The following KCNH8 variants were observed in gnomAD, a reference collection of about 807,000 sequenced individuals.
The protein encoded by KCNH8 is potassium voltage-gated channel subfamily H member 8.
A neutral mutation model predicts 103.6 loss-of-function variants in KCNH8; 70 were observed. The observed-to-expected ratio is 0.68, with a 90% CI of 0.56 to 0.82. The LOEUF (loss-of-function observed/expected upper bound fraction) is 0.82, where lower values mean the gene tolerates loss of function less well. Among genes scored for constraint, KCNH8 ranks in the 40% least tolerant of loss-of-function variants. KCNH8 has a pLI of 0.00. For missense variants in KCNH8, 1,217 were observed against 1,329.9 expected, an observed-to-expected ratio of 0.92 and a Z score of 1.32; for synonymous variants, 498 against 489.4, an observed-to-expected ratio of 1.02 and a Z score of -0.23.
At chr3:19,153,943 C>T (rs539822674) in intron 1 of KCNH8, among the ~76,000 whole-genome samples, 11 of 152,126 alleles carry the variant, frequency 7.2e-5, no homozygotes, top group Admixed American at 7.2e-4. Context: ...AATCATTTTT[C>T]TAATAATATT....
rs558584305 is a variant in KCNH8, at chr3:19,347,850, G to A, written c.696G>A (p.Thr232=). 2.7e-5 allele frequency: 43 copies of A among 1,613,374 alleles called. No homozygotes were observed. The highest frequency in any genetic ancestry group is 1.6e-4 in the South Asian group (15 of 91,062). The change falls in exon 5 of 16, where the codon ACG becomes ACA. Residue 232 remains threonine, a synonymous_variant. Coordinates refer to ENST00000328405, the MANE Select transcript of KCNH8 (RefSeq NM_144633.3). ...AGWDWLILLA[T]FYVAVTVPYN... ...GGGACTGGCTTATTTTGTTGGCAAC[G>A]TTTTATGTTGCTGTGACTGTACCTT...
chr3:19,384,049 A>G (rs933025027), intron 5 of KCNH8, among the ~76,000 whole-genome samples: 3 of 152,228 alleles, frequency 2.0e-5, no homozygotes, highest in African/African-American at 7.2e-5. Context: ...ACACATGCCA[A>G]TGGACATGTT....
At chr3:19,408,089 G>A (rs1450302052) in intron 7 of KCNH8, among the ~76,000 whole-genome samples, 1 of 152,118 alleles carries the variant, frequency 6.6e-6, no homozygotes, top group Non-Finnish European at 1.5e-5. Flanking sequence ...GCAACAGGGA[G>A]CTTCTGCCAG....
chr3:19,323,330 TCC>T (rs748936069), intron 3 of KCNH8, among the ~76,000 whole-genome samples: 3 of 152,004 alleles, frequency 2.0e-5, no homozygotes, highest in Non-Finnish European at 4.4e-5. Flanking sequence ...GCACCTGTAG[TCC>T]CAGCTACTCA....
At chr3:19,498,194 T>C (rs2068486811) in intron 11 of KCNH8, among the ~76,000 whole-genome samples, 1 of 152,238 alleles carries the variant, frequency 6.6e-6, no homozygotes, top group Non-Finnish European at 1.5e-5. Flanking sequence ...TTTCTCCGTG[T>C]TGCCACTCTG....
intron 11 of KCNH8, among the ~76,000 whole-genome samples, chr3:19,481,484 G>T (rs2068085995): frequency 6.6e-6 from 1 of 151,974 alleles, no homozygotes; most frequent in African/African-American, 2.4e-5. Flanking sequence ...ATGTAGAAGG[G>T]ACTCAAAATT....
intron 1 of KCNH8, among the ~76,000 whole-genome samples, chr3:19,186,207 A>G (rs912662250): frequency 1.3e-5 from 2 of 151,682 alleles, no homozygotes; most frequent in Admixed American, 6.6e-5. Context: ...TGTCTAGGAG[A>G]CATTGCTGCA....
chr3:19,250,869 T>C (rs2064267900), intron 1 of KCNH8, among the ~76,000 whole-genome samples: 1 of 152,204 alleles, frequency 6.6e-6, no homozygotes, highest in Non-Finnish European at 1.5e-5. Context: ...GTCACCTCAC[T>C]CTAGGACTTG....
chr3:19,230,054 G>A (rs754416083), intron 1 of KCNH8, among the ~76,000 whole-genome samples: 24 of 152,208 alleles, frequency 1.6e-4, no homozygotes, highest in South Asian at 4.2e-4. Context: ...ACATGGTGGC[G>A]GAAAGAGAAA....
At position 19,223,158 on chromosome 3, in the gene KCNH8, G is replaced by C. The variant is rs553966262; in HGVS notation, c.77-30496G>C. ...CACTGAATTATTATTTAATACTTGG[G>C]AAAGAGTTACTAGAGGGGATAATCC... On this transcript the variant is annotated intron_variant, in intron 1 of 15. Transcript: ENST00000328405. Among the ~76,000 whole-genome samples, 4 of 152,256 alleles carry C rather than the reference G, an allele frequency of 2.6e-5. No individual in the cohort carries two copies. In the East Asian group the frequency reaches 7.7e-4, roughly 29 times the overall value.
chr3:19,519,650 TA>T (rs1208170573), intron 15 of KCNH8, among the ~76,000 whole-genome samples: 1 of 150,954 alleles, frequency 6.6e-6, no homozygotes, highest in Non-Finnish European at 1.5e-5. Flanking sequence ...AACCTCTTGT[TA>T]AAACAAAAAA....
At chr3:19,370,648 A>G (rs1259015631) in intron 5 of KCNH8, among the ~76,000 whole-genome samples, 4 of 152,008 alleles carry the variant, frequency 2.6e-5, no homozygotes, top group East Asian at 1.9e-4. Flanking sequence ...TAGGGTACAT[A>G]TGCACATTGT....
chr3:19,492,392 T>C (rs746358580), intron 11 of KCNH8, among the ~76,000 whole-genome samples: 6 of 152,216 alleles, frequency 3.9e-5, no homozygotes, highest in African/African-American at 1.2e-4. Flanking sequence ...CTTATGCATA[T>C]GGCTATCCAG....
At chr3:19,469,452 G>A (rs973727342) in intron 11 of KCNH8, among the ~76,000 whole-genome samples, 1 of 151,644 alleles carries the variant, frequency 6.6e-6, no homozygotes, top group African/African-American at 2.4e-5. Context: ...TTTGTTTTTT[G>A]TTTTTGAGAT....
At chr3:19,341,220 G>A (rs1272678552) in intron 3 of KCNH8, among the ~76,000 whole-genome samples, 1 of 152,110 alleles carries the variant, frequency 6.6e-6, no homozygotes, top group Non-Finnish European at 1.5e-5. Flanking sequence ...ATTGCCAGAG[G>A]AAGGTTATAT....
chr3:19,290,476 A>C (rs1483460414), intron 3 of KCNH8, among the ~76,000 whole-genome samples: 1 of 152,186 alleles, frequency 6.6e-6, no homozygotes, highest in African/African-American at 2.4e-5. Flanking sequence ...AATTTTGTCA[A>C]AGGCCTTTTC....
intron 11 of KCNH8, among the ~76,000 whole-genome samples, chr3:19,505,244 A>G (rs1369058843): frequency 6.6e-6 from 1 of 152,054 alleles, no homozygotes; most frequent in East Asian, 1.9e-4. Flanking sequence ...TATAAGTGGG[A>G]ACTAAATGAT....
intron 3 of KCNH8, among the ~76,000 whole-genome samples, chr3:19,302,502 C>T (rs2065075604): frequency 6.6e-6 from 1 of 152,108 alleles, no homozygotes; most frequent in African/African-American, 2.4e-5. Context: ...ACCATTTCAT[C>T]ATGCTTGACT....
At chr3:19,375,110 C>G (rs2066171436) in intron 5 of KCNH8, among the ~76,000 whole-genome samples, 1 of 151,522 alleles carries the variant, frequency 6.6e-6, no homozygotes, top group African/African-American at 2.4e-5. Flanking sequence ...CAAGGAGTAT[C>G]TTTGTGGCGT....
Sources: allele counts gnomAD v4.1 joint callset (sites outside exome capture counted in the v4.1 genomes callset), GRCh38; gene constraint gnomAD v4.1.1; transcripts MANE v1.5; gene names NCBI Gene and HGNC (gene_info 2026-07-23, HGNC 2026-07-21).